The following FOXN3 variants were observed in gnomAD, a reference collection of about 807,000 sequenced individuals.
FOXN3 encodes the protein forkhead box N3.
A neutral mutation model predicts 38.4 loss-of-function variants in FOXN3; 7 were observed. The ratio of observed to expected loss-of-function variants is 0.18; its 90% CI spans 0.10 to 0.34. The LOEUF (loss-of-function observed/expected upper bound fraction) is 0.34, where lower values mean the gene tolerates loss of function less well. Ranked by LOEUF, FOXN3 falls within the 10% of genes least tolerant of loss-of-function variation. The pLI is 1.00. For missense variants in FOXN3, 456 were observed against 613.4 expected (o/e 0.74, Z 2.71); for synonymous variants, 230 against 242.2 (o/e 0.95, Z 0.47).
At chr14:89,560,170 A>G (rs1895218262) in intron 1 of FOXN3, among the ~76,000 whole-genome samples, 2 of 152,148 alleles carry the variant, frequency 1.3e-5, no homozygotes, top group African/African-American at 2.4e-5. Flanking sequence ...AGCTTTAAAT[A>G]ACCAGATCTT....
chr14:89,492,554 T>C (rs996812134), intron 1 of FOXN3, among the ~76,000 whole-genome samples: 16 of 152,192 alleles, frequency 1.1e-4, no homozygotes, highest in Admixed American at 1.0e-3. Flanking sequence ...GAAAATATAG[T>C]GAGGTCTTTT....
chr14:89,474,352 C>G (rs1402912918), intron 1 of FOXN3, among the ~76,000 whole-genome samples: 1 of 152,168 alleles, frequency 6.6e-6, no homozygotes, highest in African/African-American at 2.4e-5. Context: ...TGCCCACCAC[C>G]ACATCCTCAC....
At position 89,311,602 on chromosome 14, in the gene FOXN3, G is replaced by A. The variant is rs191614768; in HGVS notation, c.681-30588C>T. ...AGCACTTTGGGAGGCCAAGGTGGGC[G>A]GATCACAAGATCAGGAGGTCAAGAC... On this transcript the variant is annotated intron_variant, in intron 3 of 5. Transcript: ENST00000557258. Among the ~76,000 whole-genome samples the A allele has an allele frequency of 1.5e-3, 224 of 152,054 alleles. 4 individuals are homozygous for A. The East Asian group carries it at 0.04, about 27-fold the overall frequency.
chr14:89,400,596 C>T (rs1166065890), intron 2 of FOXN3, among the ~76,000 whole-genome samples: 1 of 152,230 alleles, frequency 6.6e-6, no homozygotes, highest in Non-Finnish European at 1.5e-5. Flanking sequence ...TCTCTTGCAC[C>T]ACTGGAACAA....
chr14:89,435,002 G>A (rs112070541), intron 1 of FOXN3, among the ~76,000 whole-genome samples: 57 of 152,278 alleles, frequency 3.7e-4, no homozygotes, highest in African/African-American at 1.3e-3. Context: ...TCAACAATTA[G>A]CCAAGCACAA....
intron 1 of FOXN3, among the ~76,000 whole-genome samples, chr14:89,563,270 G>A (rs1336845238): frequency 6.6e-6 from 1 of 152,110 alleles, no homozygotes. Flanking sequence ...GTATATAAAG[G>A]CACGTTAAAT....
chr14:89,312,878 C>T (rs994563629), intron 3 of FOXN3, among the ~76,000 whole-genome samples: 5 of 152,354 alleles, frequency 3.3e-5, no homozygotes, highest in Middle Eastern at 3.4e-3. Context: ...AGGCTGCCCC[C>T]ACTACCGACT....
chr14:89,199,108 G>A (rs1366933158), intron 4 of FOXN3, among the ~76,000 whole-genome samples: 5 of 152,200 alleles, frequency 3.3e-5, no homozygotes, highest in African/African-American at 7.2e-5. Flanking sequence ...CAGCTCTACT[G>A]ACGTCATTTG....
chr14:89,195,061 C>G (rs1356347077), intron 4 of FOXN3, among the ~76,000 whole-genome samples: 1 of 152,212 alleles, frequency 6.6e-6, no homozygotes, highest in East Asian at 1.9e-4. Context: ...TTTGTACAGG[C>G]ATTGCCTTTT....
At chr14:89,231,634 G>A (rs1884811706) in intron 4 of FOXN3, among the ~76,000 whole-genome samples, 2 of 152,152 alleles carry the variant, frequency 1.3e-5, no homozygotes, top group Admixed American at 6.5e-5. Flanking sequence ...CTATTCAGAA[G>A]GTCTCAGCCA....
At chr14:89,447,765 T>C (rs1398499251) in intron 1 of FOXN3, among the ~76,000 whole-genome samples, 1 of 151,036 alleles carries the variant, frequency 6.6e-6, no homozygotes, top group African/African-American at 2.4e-5. Flanking sequence ...TCTGTAAATA[T>C]CTGCAGTTGA....
chr14:89,339,954 G>A (rs1299047395), intron 3 of FOXN3, among the ~76,000 whole-genome samples: 1 of 152,162 alleles, frequency 6.6e-6, no homozygotes, highest in Non-Finnish European at 1.5e-5. Context: ...AAGAATAGGA[G>A]GGTTTGGGGG....
At chr14:89,232,828 T>G (rs2139856419) in intron 4 of FOXN3, among the ~76,000 whole-genome samples, 1 of 152,308 alleles carries the variant, frequency 6.6e-6, no homozygotes, top group East Asian at 1.9e-4. Context: ...AATGATAATT[T>G]CATAATGCTG....
chr14:89,190,133 C>T (rs1191387331), intron 4 of FOXN3, among the ~76,000 whole-genome samples: 3 of 152,226 alleles, frequency 2.0e-5, no homozygotes, highest in African/African-American at 7.2e-5. Flanking sequence ...GTTTCCCTTT[C>T]CCCAAGTCTT....
At chr14:89,194,066 T>TA (rs1888034181) in intron 4 of FOXN3, among the ~76,000 whole-genome samples, 1 of 152,324 alleles carries the variant, frequency 6.6e-6, no homozygotes, top group South Asian at 2.1e-4. Flanking sequence ...TGTAAGATTT[T>TA]AAAAAATATT....
chr14:89,591,632 C>T (rs142384150), intron 1 of FOXN3, among the ~76,000 whole-genome samples: 1 of 152,160 alleles, frequency 6.6e-6, no homozygotes, highest in Non-Finnish European at 1.5e-5. Flanking sequence ...AGTCAGACAT[C>T]TAAACAAACA....
At chr14:89,479,268 G>T (rs1189454946) in intron 1 of FOXN3, among the ~76,000 whole-genome samples, 2 of 152,114 alleles carry the variant, frequency 1.3e-5, no homozygotes, top group Non-Finnish European at 1.5e-5. Context: ...AGCCTGTGTT[G>T]TTTTCATTCA....
intron 4 of FOXN3, among the ~76,000 whole-genome samples, chr14:89,228,568 A>C (rs192972571): frequency 1.3e-5 from 2 of 152,342 alleles, no homozygotes; most frequent in East Asian, 3.9e-4. Context: ...TAGAGTGATA[A>C]AAAAGCATAG....
At chr14:89,596,547 C>G (rs1896060049) in intron 1 of FOXN3, among the ~76,000 whole-genome samples, 2 of 152,150 alleles carry the variant, frequency 1.3e-5, no homozygotes, top group South Asian at 4.1e-4. Flanking sequence ...CCTCTTGAAA[C>G]CAGCTGGGAG....
Sources: allele counts gnomAD v4.1 joint callset (sites outside exome capture counted in the v4.1 genomes callset), GRCh38; gene constraint gnomAD v4.1.1; transcripts MANE v1.5; gene names NCBI Gene and HGNC (gene_info 2026-07-23, HGNC 2026-07-21).